MTX3: variants seen among roughly 807,000 people sequenced by gnomAD.
MTX3 encodes metaxin 3.
In MTX3, 27 loss-of-function variants were observed where a neutral mutation model predicts 42.5. The observed-to-expected ratio is 0.64, with a 90% CI of 0.47 to 0.88. MTX3 has a LOEUF of 0.88. Among genes scored for constraint, MTX3 ranks in the 40% least tolerant of loss-of-function variants. MTX3 has a pLI of 0.00. For missense variants in MTX3, 378 were observed against 367.0 expected, an observed-to-expected ratio of 1.03 and a Z score of -0.25; for synonymous variants, 144 against 132.9, an observed-to-expected ratio of 1.08 and a Z score of -0.57.
chr5:79,990,578 A>G lies in MTX3; in HGVS notation c.151+16T>C. 6.5e-7 allele frequency: 1 copy of G among 1,529,828 alleles called. No individual in the cohort carries two copies. Among genetic ancestry groups the G allele is most frequent in the Non-Finnish European group, 8.9e-7 (1 of 1,124,804 alleles). The allele number at this position is 1,529,828 out of a possible 1,614,324, so 94.8% of individuals were successfully genotyped here. A position where few individuals can be genotyped will look rare whatever the true frequency, so the allele number is the denominator to read the frequency against. Reference sequence around the variant, plus strand: ...AAAAGAGTGCAGAAAGGGGAGTGTAAAGGTTTACACTATACCTCTTGAACC... The same window carrying G: ...AAAAGAGTGCAGAAAGGGGAGTGTAGAGGTTTACACTATACCTCTTGAACC... On this transcript the variant is annotated intron_variant, in intron 2 of 8. Transcript: ENST00000512528.
At chr5:79,987,701 G>T (rs1831530086) in intron 6 of MTX3, among the ~76,000 whole-genome samples, 1 of 152,194 alleles carries the variant, frequency 6.6e-6, no homozygotes, top group African/African-American at 2.4e-5. Flanking sequence ...ACTGGAGGCA[G>T]AGTGGGAACA....
intron 7 of MTX3, 116 bp from the exon 8 acceptor site, chr5:79,985,775 A>T (rs1023567878): frequency 1.6e-6 from 1 of 641,032 alleles, no homozygotes; most frequent in African/African-American, 1.8e-5. Flanking sequence ...ACCCTCCCCA[A>T]AAAAGGCAAA....
At chr5:79,984,101 T>C (rs924363156) in intron 8 of MTX3, among the ~76,000 whole-genome samples, 1 of 152,220 alleles carries the variant, frequency 6.6e-6, no homozygotes, top group African/African-American at 2.4e-5. Flanking sequence ...TGATAGTAAG[T>C]GTAAAAGCGG....
Position 79,983,461 on chromosome 5 carries a change from C to A in MTX3, c.*223G>T, listed in dbSNP as rs1002082658. Reference sequence around the variant, plus strand: ...CGATGTGTTTTTCTTCCCCGCCCCCCCAACCAAGTTCATTTAGCATTCTCT... The same window carrying A: ...CGATGTGTTTTTCTTCCCCGCCCCCACAACCAAGTTCATTTAGCATTCTCT... On this transcript the variant is annotated 3_prime_UTR_variant, in exon 9 of 9. Transcript: ENST00000512528. The A allele has an allele frequency of 1.3e-5, 7 of 542,248 alleles. No homozygotes were observed. The highest frequency in any genetic ancestry group is 4.2e-5 in the South Asian group (2 of 47,234). The allele number at this position is 542,248 out of a possible 1,614,324, so 33.6% of individuals were successfully genotyped here. A position where few individuals can be genotyped will look rare whatever the true frequency, so the allele number is the denominator to read the frequency against.
rs1317404663 is a variant in MTX3 at position 79,988,464 on chromosome 5, G to C, written c.502C>G (p.Gln168Glu). Residue 168 changes from glutamine (Q) to glutamate (E), a missense_variant and splice_region_variant, in exon 5 of 9, where the codon CAG (glutamine) becomes GAG (glutamate). Transcript: ENST00000512528. ...PLYHLREVEA[Q>E]IYRDAKECLN... is the part of the protein sequence containing the mutation. ...TTGAAGAATAATCCATACTATACCT[G>C]TGCTTCCACTTCTCGGAGGTGGTAG... 4.4e-6 allele frequency: 7 copies of C among 1,608,162 alleles called. No homozygotes were observed. Among genetic ancestry groups the C allele is most frequent in the Admixed American group, 1.7e-5 (1 of 58,606 alleles).
rs1364902336 is a variant in MTX3 at position 79,980,105 on chromosome 5, T to G, written c.*3579A>C. 6.6e-6 allele frequency: 1 copy of G among 152,146 alleles called. No homozygotes were observed. Among genetic ancestry groups the G allele is most frequent in the East Asian group, 1.9e-4 (1 of 5,196 alleles). The allele number at this position is 152,146 out of a possible 1,614,324, so 9.4% of individuals were successfully genotyped here. ...ATCTAGGTTTTAAAAGGGTTGAAGT[T>G]TTTGACAGTTGATGAAAAACTGTCA... is the stretch of plus-strand genomic sequence containing the variant. On this transcript the variant is annotated 3_prime_UTR_variant, in exon 9 of 9. Transcript: ENST00000512528.
At position 79,980,615 on chromosome 5, in the gene MTX3, T is replaced by C. The variant is rs867316828; in HGVS notation, c.*3069A>G. The stretch of plus-strand genomic sequence containing the variant: ...TGGATGATTGATGGTAGTTTGTTCA[T>C]GGAAGATCTTCATCTTATGGGAATT... On this transcript the variant is annotated 3_prime_UTR_variant, in exon 9 of 9. Transcript: ENST00000512528. The C allele has an allele frequency of 3.3e-5, 5 of 152,004 alleles. No homozygotes were observed. The South Asian group carries it at 8.3e-4, about 25-fold the overall frequency. The allele number at this position is 152,004 out of a possible 1,614,324, so 9.4% of individuals were successfully genotyped here.
intron 1 of MTX3, 169 bp downstream of exon 1, chr5:79,990,989 G>A (rs891503444): frequency 1.2e-5 from 9 of 774,356 alleles, no homozygotes; most frequent in Non-Finnish European, 2.0e-5. Flanking sequence ...CTTCGGCGGG[G>A]GTATCGGCCA....
intron 2 of MTX3, 25 bp downstream of exon 2, chr5:79,990,569 G>A: frequency 2.8e-6 from 4 of 1,413,122 alleles, no homozygotes; most frequent in East Asian, 2.3e-5. Context: ...GTGCAGAAAG[G>A]GGAGTGTAAA....
intron 1 of MTX3, chr5:79,990,909 C>T: frequency 1.4e-6 from 1 of 708,632 alleles, no homozygotes. Context: ...TTTCACTCCA[C>T]CGCCCAGACA....
rs1831350572 is a variant in MTX3, at chr5:79,980,562, CT to C, written c.*3121del. On this transcript the variant is annotated 3_prime_UTR_variant, in exon 9 of 9. Transcript: ENST00000512528. ...GTTCTTTACAGCTTCTTTAGTGTTA[CT>C]TAAAAAAAAAAAAAAAATCAATCTG... 2 of 90,080 alleles carry C rather than the reference CT, an allele frequency of 2.2e-5. No homozygotes were observed. The highest frequency in any genetic ancestry group is 2.3e-4 in the Admixed American group (2 of 8,796). 5.6% of individuals were successfully genotyped at this position (90,080 alleles called of 1,614,324 possible). A position where few individuals can be genotyped will look rare whatever the true frequency, so the allele number is the denominator to read the frequency against.
chr5:79,978,283 A>T lies in MTX3; in HGVS notation c.*5401T>A, dbSNP rs1457174399. 1 of 152,228 alleles carries T rather than the reference A, an allele frequency of 6.6e-6. No homozygotes were observed. Among genetic ancestry groups the T allele is most frequent in the East Asian group, 1.9e-4 (1 of 5,198 alleles). The allele number at this position is 152,228 out of a possible 1,614,324, so 9.4% of individuals were successfully genotyped here. On this transcript the variant is annotated 3_prime_UTR_variant, in exon 9 of 9. Coordinates refer to ENST00000512528, the MANE Select transcript of MTX3 (RefSeq NM_001363818.2). ...TATCTCTCAGAACATAAATCCCACAAGATACCTACTTTTAAAAAAATCTGG... is the reference window on the plus strand; with the variant it reads ...TATCTCTCAGAACATAAATCCCACATGATACCTACTTTTAAAAAAATCTGG...
intron 3 of MTX3, 106 bp from the exon 4 acceptor site, chr5:79,989,350 G>A (rs1353838410): frequency 8.8e-6 from 6 of 683,812 alleles, no homozygotes; most frequent in Admixed American, 3.0e-5. Flanking sequence ...AATAGCAAAC[G>A]TGGTATTAAA....
intron 8 of MTX3, among the ~76,000 whole-genome samples, chr5:79,984,073 T>C (rs947185771): frequency 2.0e-5 from 3 of 152,208 alleles, no homozygotes; most frequent in Non-Finnish European, 2.9e-5. Flanking sequence ...AACTCAACCA[T>C]AACTTAAAGA....
chr5:79,983,616 C>T lies in MTX3; in HGVS notation c.*68G>A, dbSNP rs1831420910. On this transcript the variant is annotated 3_prime_UTR_variant, in exon 9 of 9. Coordinates refer to ENST00000512528, the MANE Select transcript of MTX3 (RefSeq NM_001363818.2). Reference sequence around the variant, plus strand: ...ACCTATTATGGTATCTTCTTTTTGCCTTCACACACTTGGTGTAAGAGATTA... The same window carrying T: ...ACCTATTATGGTATCTTCTTTTTGCTTTCACACACTTGGTGTAAGAGATTA... 1 of 1,162,866 alleles carries T rather than the reference C, an allele frequency of 8.6e-7. No homozygotes were observed. The highest frequency in any genetic ancestry group is 1.7e-5 in the Admixed American group (1 of 58,910). 72.0% of individuals were successfully genotyped at this position (1,162,866 alleles called of 1,614,324 possible).
intron 6 of MTX3, among the ~76,000 whole-genome samples, chr5:79,987,919 G>A (rs112851200): frequency 0.046 from 7,010 of 152,192 alleles, 235 homozygotes; most frequent in Non-Finnish European, 0.068. Flanking sequence ...AGGTTCAAGC[G>A]ATTCTCCTGC....
chr5:79,989,458 T>A (rs549265476), intron 3 of MTX3, among the ~76,000 whole-genome samples: 1 of 152,330 alleles, frequency 6.6e-6, no homozygotes, highest in East Asian at 1.9e-4. Flanking sequence ...CAATAAATGT[T>A]ACAATATTAA....
At chr5:79,986,804 C>A in intron 7 of MTX3, 146 bp downstream of exon 7, 2 of 688,940 alleles carry the variant, frequency 2.9e-6, no homozygotes, top group East Asian at 2.8e-5. Flanking sequence ...AAAATGAAGT[C>A]GGAAAAACAC....
rs1258272583 is a variant in MTX3, at chr5:79,988,661, A to G, written c.322-17T>C. On this transcript the variant is annotated splice_polypyrimidine_tract_variant and intron_variant, in intron 4 of 8. Transcript: ENST00000512528. ...TGTGTGAAGCTGCAAAAGAAGAGAAAAAACACTACAAGGATGTTCTTTTAT... is the reference window on the plus strand; with the variant it reads ...TGTGTGAAGCTGCAAAAGAAGAGAAGAAACACTACAAGGATGTTCTTTTAT... 1.3e-6 allele frequency: 2 copies of G among 1,547,820 alleles called. No homozygotes were observed. The highest frequency in any genetic ancestry group is 2.0e-5 in the Admixed American group (1 of 49,340).
Sources: allele counts gnomAD v4.1 joint callset (sites outside exome capture counted in the v4.1 genomes callset), GRCh38; gene constraint gnomAD v4.1.1; transcripts MANE v1.5; gene names NCBI Gene and HGNC (gene_info 2026-07-23, HGNC 2026-07-21).